LGR6: variants seen among roughly 807,000 people sequenced by gnomAD.
LGR6 encodes the protein leucine-rich repeat-containing G protein-coupled receptor 6.
A neutral mutation model predicts 69.4 loss-of-function variants in LGR6; 45 were observed. That is an observed-to-expected ratio of 0.65 (90% CI 0.51 to 0.83). The LOEUF is 0.83. Ranked by LOEUF, LGR6 falls within the 40% of genes least tolerant of loss-of-function variation. The probability of loss-of-function intolerance (pLI) is 0.00; values close to 1 mark genes in which losing one functional copy is unlikely to be tolerated. For missense variants in LGR6, 1,108 were observed against 1,246.7 expected (o/e 0.89, Z 1.68); for synonymous variants, 538 against 555.0 (o/e 0.97, Z 0.43).
chr1:202,246,147 T>C (rs1205697387), intron 4 of LGR6, among the ~76,000 whole-genome samples: 1 of 55,432 alleles, frequency 1.8e-5, no homozygotes, highest in African/African-American at 8.1e-5. Flanking sequence ...CATTCCTCCA[T>C]CCCCATCCCT....
intron 16 of LGR6, among the ~76,000 whole-genome samples, chr1:202,312,520 C>G (rs1412699866): frequency 6.6e-6 from 1 of 151,924 alleles, no homozygotes; most frequent in East Asian, 1.9e-4. Flanking sequence ...TGGTGTTTAC[C>G]CTTTAAGTGA....
At chr1:202,303,397 C>T in intron 10 of LGR6, 50 bp downstream of exon 10, 1 of 1,448,338 alleles carries the variant, frequency 6.9e-7, no homozygotes. Flanking sequence ...GCTTCATTCC[C>T]AAGAGCTCTT....
intron 1 of LGR6, among the ~76,000 whole-genome samples, chr1:202,199,705 G>A (rs932392513): frequency 1.3e-5 from 2 of 152,108 alleles, no homozygotes; most frequent in Admixed American, 1.3e-4. Context: ...TATCCCAATG[G>A]GGAGGCCCTG....
At chr1:202,213,526 C>T (rs1387484082) in intron 1 of LGR6, among the ~76,000 whole-genome samples, 3 of 152,064 alleles carry the variant, frequency 2.0e-5, no homozygotes, top group African/African-American at 7.2e-5. Context: ...GCAGCTGCTG[C>T]CTCCTAAGGG....
chr1:202,299,492 G>A (rs148611903), intron 7 of LGR6, among the ~76,000 whole-genome samples: 1 of 152,170 alleles, frequency 6.6e-6, no homozygotes. Flanking sequence ...ATATATGGGA[G>A]GGGGTGTACC....
At chr1:202,267,425 G>A (rs1664761597) in intron 4 of LGR6, among the ~76,000 whole-genome samples, 1 of 152,124 alleles carries the variant, frequency 6.6e-6, no homozygotes, top group East Asian at 1.9e-4. Context: ...TAAGGGCCTC[G>A]GCTAGGAGTG....
chr1:202,212,869 C>T (rs920155626), intron 1 of LGR6, among the ~76,000 whole-genome samples: 2 of 152,146 alleles, frequency 1.3e-5, no homozygotes, highest in Non-Finnish European at 2.9e-5. Flanking sequence ...TCATTTCCCC[C>T]CTTTGCACAG....
chr1:202,275,817 G>T (rs74573291), intron 4 of LGR6, among the ~76,000 whole-genome samples: 34 of 152,288 alleles, frequency 2.2e-4, no homozygotes, highest in African/African-American at 7.7e-4. Flanking sequence ...TCATAGAACA[G>T]TTAGCAAGGT....
rs1359417686 is a variant in LGR6, at chr1:202,271,813, A to AT, written c.429-4493_429-4492insT. ...ATAAGAGTGAAACTCTGTCTCAAAA[A>AT]AAAAAAAAAAAAAAAAGAGAGAGGG... On this transcript the variant is annotated intron_variant, in intron 4 of 17. Coordinates refer to ENST00000367278, the MANE Select transcript of LGR6 (RefSeq NM_001017403.2). Among the ~76,000 whole-genome samples the AT allele has an allele frequency of 2.6e-3, 387 of 147,370 alleles. 5 individuals are homozygous for AT. The highest frequency in any genetic ancestry group is 9.0e-3 in the African/African-American group (368 of 40,848).
At chr1:202,210,712 A>G (rs978892320) in intron 1 of LGR6, 1 of 152,204 alleles carries the variant, frequency 6.6e-6, no homozygotes, top group African/African-American at 2.4e-5. Context: ...TGCCTTTCCT[A>G]TTCATTCTCT....
chr1:202,249,556 C>T (rs150204427), intron 4 of LGR6, among the ~76,000 whole-genome samples: 1,563 of 152,334 alleles, frequency 0.01, 30 homozygotes, highest in African/African-American at 0.035. Context: ...TTGCATGACT[C>T]ACGGGGCTTC....
intron 3 of LGR6, among the ~76,000 whole-genome samples, chr1:202,231,601 CT>C (rs60573451): frequency 0.32 from 48,270 of 152,072 alleles, 8,291 homozygotes; most frequent in Non-Finnish European, 0.39. Flanking sequence ...GTTTTCTCAC[CT>C]TTTAAAGTGG....
At chr1:202,235,895 C>T (rs984668285) in intron 3 of LGR6, 27 bp from the exon 4 acceptor site, 1 of 1,611,006 alleles carries the variant, frequency 6.2e-7, no homozygotes, top group Middle Eastern at 1.7e-4. Context: ...CATGTGCGTC[C>T]TTAAAGCCCT....
intron 4 of LGR6, among the ~76,000 whole-genome samples, chr1:202,239,115 G>T (rs1661910615): frequency 1.3e-5 from 2 of 152,004 alleles, no homozygotes; most frequent in Admixed American, 1.3e-4. Context: ...TCCATCTTCA[G>T]GGGTAGGTGT....
intron 1 of LGR6, among the ~76,000 whole-genome samples, chr1:202,204,360 A>AAACACACACACCTC (rs1658961137): frequency 9.4e-6 from 1 of 106,350 alleles, no homozygotes; most frequent in Non-Finnish European, 1.9e-5. Context: ...ACACACCTCC[A>AAACACACACACCTC]CACACACACA....
chr1:202,316,981 G>A (rs788796), intron 17 of LGR6, among the ~76,000 whole-genome samples: 86,046 of 152,036 alleles, frequency 0.57, 25,645 homozygotes, highest in East Asian at 0.75. Context: ...TGTACTTGAG[G>A]CAATTTACCT....
At chr1:202,247,247 G>A (rs1191292661) in intron 4 of LGR6, among the ~76,000 whole-genome samples, 1 of 151,742 alleles carries the variant, frequency 6.6e-6, no homozygotes. Flanking sequence ...CAGCAGCATC[G>A]GCGTCACTTG....
chr1:202,247,703 C>T (rs1262370583), intron 4 of LGR6, among the ~76,000 whole-genome samples: 1 of 152,192 alleles, frequency 6.6e-6, no homozygotes, highest in African/African-American at 2.4e-5. Context: ...GCTAGAGTAT[C>T]TTCTTGGGAA....
intron 1 of LGR6, among the ~76,000 whole-genome samples, chr1:202,206,046 C>G (rs1044752828): frequency 9.9e-5 from 15 of 152,058 alleles, no homozygotes; most frequent in Admixed American, 2.0e-4. Context: ...TAAACAGTTC[C>G]AGTGTATGCA....
Sources: allele counts gnomAD v4.1 joint callset (sites outside exome capture counted in the v4.1 genomes callset), GRCh38; gene constraint gnomAD v4.1.1; transcripts MANE v1.5; gene names NCBI Gene and HGNC (gene_info 2026-07-23, HGNC 2026-07-21).